Variants in INVS observed in about 807,000 individuals in gnomAD.
INVS encodes the protein inversion of embryo turning homolog.
INVS carries 86 observed loss-of-function variants against 108.8 expected under a neutral mutation model. The ratio of observed to expected loss-of-function variants is 0.79; its 90% confidence interval spans 0.66 to 0.95. INVS has a LOEUF of 0.95. INVS is among the 40% of genes least tolerant of loss of function. The probability of loss-of-function intolerance (pLI) is 0.00; values close to 1 mark genes in which losing one functional copy is unlikely to be tolerated. For synonymous variants in INVS, 455 were observed against 473.5 expected (o/e 0.96, Z 0.51); for missense variants, 1,169 against 1,297.4 (o/e 0.90, Z 1.52).
chr9:100,254,172 A>T (rs1329995899), intron 10 of INVS, among the ~76,000 whole-genome samples: 1 of 152,104 alleles, frequency 6.6e-6, no homozygotes, highest in Non-Finnish European at 1.5e-5. Flanking sequence ...GCCAGTGATG[A>T]TGAGCATTTT....
chr9:100,209,919 T>C (rs1048158132), intron 3 of INVS, among the ~76,000 whole-genome samples: 2 of 152,152 alleles, frequency 1.3e-5, no homozygotes, highest in African/African-American at 4.8e-5. Flanking sequence ...TTCTACTCTA[T>C]CCTCAGACAT....
intron 3 of INVS, among the ~76,000 whole-genome samples, chr9:100,158,753 C>G (rs1021196433): frequency 2.0e-5 from 3 of 152,160 alleles, no homozygotes; most frequent in African/African-American, 7.2e-5. Context: ...CCCTCCAAAT[C>G]CCGCGTTGAA....
intron 1 of INVS, among the ~76,000 whole-genome samples, chr9:100,103,429 C>G (rs192992721): frequency 2.0e-3 from 311 of 152,004 alleles, no homozygotes; most frequent in African/African-American, 7.1e-3. Flanking sequence ...GAGTTCGAGA[C>G]CAGCCTGGCC....
At chr9:100,238,440 C>G (rs927869553) in intron 5 of INVS, among the ~76,000 whole-genome samples, 4 of 151,984 alleles carry the variant, frequency 2.6e-5, no homozygotes, top group African/African-American at 4.8e-5. Context: ...TAGGTGTGGC[C>G]TTTTTAAAAA....
chr9:100,144,491 C>T (rs1468904481), intron 3 of INVS, among the ~76,000 whole-genome samples: 1 of 152,024 alleles, frequency 6.6e-6, no homozygotes, highest in Non-Finnish European at 1.5e-5. Context: ...ATGAACTGGG[C>T]TGGGTTTTTC....
At chr9:100,296,797 T>C (rs1833803827) in intron 14 of INVS, 120 bp from the exon 15 acceptor site, 1 of 794,872 alleles carries the variant, frequency 1.3e-6, no homozygotes, top group Non-Finnish European at 2.1e-6. Flanking sequence ...GAATGGGAGC[T>C]TGAATGAACC....
chr9:100,272,990 C>T lies in INVS; in HGVS notation c.1698C>T (p.Tyr566=), dbSNP rs2118669089. ...CCGCCTTCAAAATCCAAGCTGTCTACAAAGGGTACAAGGTCAGAAAAGCCT... is the reference window on the plus strand; with the variant it reads ...CCGCCTTCAAAATCCAAGCTGTCTATAAAGGGTACAAGGTCAGAAAAGCCT... The part of the protein sequence containing the change: ...DIAAFKIQAV[Y]KGYKVRKAFR... Residue 566 remains tyrosine (Y), a synonymous_variant, in exon 12 of 17, where the codon TAC becomes TAT. Coordinates refer to ENST00000262457, the MANE Select transcript of INVS (RefSeq NM_014425.5). 4.3e-6 allele frequency: 7 copies of T among 1,613,982 alleles called. No individual in the cohort carries two copies. The highest frequency in any genetic ancestry group is 5.9e-6 in the Non-Finnish European group (7 of 1,180,004).
At chr9:100,230,899 G>A (rs1308380597) in intron 5 of INVS, among the ~76,000 whole-genome samples, 2 of 152,164 alleles carry the variant, frequency 1.3e-5, no homozygotes, top group Non-Finnish European at 2.9e-5. Flanking sequence ...TTACGAATAA[G>A]CCACACAGTA....
chr9:100,301,844 CACAA>C lies in INVS; in HGVS notation c.*1172_*1175del, dbSNP rs1238298396. Among the ~76,000 whole-genome samples, 1 of 152,088 alleles carries C rather than the reference CACAA, an allele frequency of 6.6e-6. No individual in the cohort carries two copies. Among genetic ancestry groups the C allele is most frequent in the Non-Finnish European group, 1.5e-5 (1 of 68,014 alleles). On this transcript the variant is annotated 3_prime_UTR_variant, in exon 17 of 17. Coordinates refer to ENST00000262457, the MANE Select transcript of INVS (RefSeq NM_014425.5). ...TTCATCGTTTTTGTGATCACAAAAA[CACAA>C]AGAAGGAGGTCTGCCTGGATGGAAT...
intron 11 of INVS, among the ~76,000 whole-genome samples, 164 bp from the exon 12 acceptor site, chr9:100,272,699 GA>G (rs1832992866): frequency 6.6e-6 from 1 of 151,960 alleles, no homozygotes; most frequent in Admixed American, 6.6e-5. Flanking sequence ...GTGCCCCTCG[GA>G]GAAAAAAAGA....
chr9:100,296,036 A>G (rs1172789669), intron 14 of INVS, among the ~76,000 whole-genome samples: 2 of 152,132 alleles, frequency 1.3e-5, no homozygotes, highest in African/African-American at 4.8e-5. Context: ...GGAAGGAGGG[A>G]GGGGCTGCAC....
chr9:100,246,333 T>G (rs528447754), intron 7 of INVS, among the ~76,000 whole-genome samples: 171 of 152,260 alleles, frequency 1.1e-3, no homozygotes, highest in African/African-American at 3.9e-3. Flanking sequence ...GTTTCCAAGC[T>G]TGATTGAAGA....
At chr9:100,199,212 T>C (rs1489564866) in intron 3 of INVS, among the ~76,000 whole-genome samples, 1 of 152,070 alleles carries the variant, frequency 6.6e-6, no homozygotes, top group Non-Finnish European at 1.5e-5. Context: ...TTATCACTCA[T>C]TTCAGGCAAA....
intron 8 of INVS, among the ~76,000 whole-genome samples, chr9:100,247,056 G>T: frequency 6.6e-6 from 1 of 151,468 alleles, no homozygotes. Context: ...CATGATTATG[G>T]GGACTCTTCT....
intron 11 of INVS, among the ~76,000 whole-genome samples, chr9:100,270,368 T>C (rs1832913143): frequency 6.6e-6 from 1 of 152,100 alleles, no homozygotes; most frequent in Non-Finnish European, 1.5e-5. Context: ...TCCAACACTT[T>C]GGTAGGCCAA....
intron 16 of INVS, among the ~76,000 whole-genome samples, chr9:100,299,961 T>C (rs1310013336): frequency 6.6e-6 from 1 of 152,216 alleles, no homozygotes; most frequent in Non-Finnish European, 1.5e-5. Context: ...AAACCTTTAA[T>C]GTATTTGCTT....
chr9:100,210,905 T>G (rs991378205), intron 3 of INVS, among the ~76,000 whole-genome samples: 1 of 151,030 alleles, frequency 6.6e-6, no homozygotes, highest in Non-Finnish European at 1.5e-5. Flanking sequence ...GGGAACAGAC[T>G]TTTTTTTTAA....
At chr9:100,206,514 T>C (rs939325563) in intron 3 of INVS, among the ~76,000 whole-genome samples, 1 of 152,176 alleles carries the variant, frequency 6.6e-6, no homozygotes, top group Non-Finnish European at 1.5e-5. Flanking sequence ...TTTGCCTTGA[T>C]ATATGGGAAT....
chr9:100,277,633 C>G (rs1833151794), intron 12 of INVS, among the ~76,000 whole-genome samples: 1 of 151,974 alleles, frequency 6.6e-6, no homozygotes, highest in Non-Finnish European at 1.5e-5. Flanking sequence ...GAGTCACACA[C>G]AAAAAGACAA....
Sources: allele counts gnomAD v4.1 joint callset (sites outside exome capture counted in the v4.1 genomes callset), GRCh38; gene constraint gnomAD v4.1.1; transcripts MANE v1.5; gene names NCBI Gene and HGNC (gene_info 2026-07-23, HGNC 2026-07-21).